CNTNAP4: variants seen among roughly 807,000 people sequenced by gnomAD.
CNTNAP4 encodes the protein contactin associated protein family member 4, also known as contactin-associated protein-like 4.
Under a neutral mutation model 148.4 loss-of-function variants are expected in CNTNAP4, and 98 were observed. The ratio of observed to expected loss-of-function variants is 0.66; its 90% CI spans 0.56 to 0.78. The LOEUF (loss-of-function observed/expected upper bound fraction) is 0.78. Among genes scored for constraint, CNTNAP4 ranks in the 30% least tolerant of loss-of-function variants. The pLI is 0.00. For missense variants in CNTNAP4, 1,935 were observed against 1,565.6 expected, an observed-to-expected ratio of 1.24 and a Z score of -3.98; for synonymous variants, 730 against 565.1, an observed-to-expected ratio of 1.29 and a Z score of -4.14.
rs1170966719 is a variant in CNTNAP4, at chr16:76,522,042, C to T, written c.2540C>T (p.Pro847Leu). The stretch of plus-strand genomic sequence containing the variant: ...TCTTTATGTGTAATATTTCCAGCTC[C>T]GACAGTAGTGACTTTTTCATTTGAT... The part of the protein sequence containing the change: ...ADFIRIELRS[P>L]TVVTFSFDVG... The change falls in exon 17 of 24, where the codon CCG (proline) becomes CTG (leucine). Residue 847 changes from proline to leucine, a missense_variant. Coordinates refer to ENST00000611870, the MANE Select transcript of CNTNAP4 (RefSeq NM_033401.5). 22 of 1,613,618 alleles carry T rather than the reference C, an allele frequency of 1.4e-5. No individual in the cohort carries two copies. The highest frequency in any genetic ancestry group is 1.8e-5 in the Non-Finnish European group (21 of 1,179,680).
chr16:76,471,449 CT>C (rs954509512), intron 10 of CNTNAP4, among the ~76,000 whole-genome samples: 3 of 152,166 alleles, frequency 2.0e-5, no homozygotes, highest in Admixed American at 2.0e-4. Flanking sequence ...CAACGTCAAC[CT>C]TGTGACCTTA....
intron 19 of CNTNAP4, among the ~76,000 whole-genome samples, chr16:76,539,150 ATAAAT>A (rs1209906459): frequency 1.3e-5 from 2 of 152,070 alleles, no homozygotes; most frequent in African/African-American, 4.8e-5. Flanking sequence ...ATCCTGTGAA[ATAAAT>A]TAACTGACAT....
At chr16:76,279,592 C>G (rs1179544584) in intron 1 of CNTNAP4, among the ~76,000 whole-genome samples, 2 of 152,118 alleles carry the variant, frequency 1.3e-5, no homozygotes, top group African/African-American at 2.4e-5. Flanking sequence ...AGGAAGTAGT[C>G]TAATGCTCTT....
chr16:76,330,162 T>G (rs8053597), intron 2 of CNTNAP4, among the ~76,000 whole-genome samples: 124 of 152,312 alleles, frequency 8.1e-4, no homozygotes, highest in African/African-American at 2.7e-3. Context: ...CTGCTTGTAA[T>G]TATTTTTCTT....
In CNTNAP4 at chr16:76,359,750, C is replaced by G. The variant is rs562720817; in HGVS notation, c.390+4239C>G. Among the ~76,000 whole-genome samples the G allele has an allele frequency of 3.9e-5, 6 of 152,280 alleles. No homozygotes were observed. The South Asian group carries it at 1.0e-3, about 26-fold the overall frequency. On this transcript the variant is annotated intron_variant, in intron 3 of 23. Transcript: ENST00000611870. The stretch of plus-strand genomic sequence containing the variant: ...ATTCAGAAAATGCAAGCTAAACTTT[C>G]TCCTCTCAGATTGAACACAAAATTC...
intron 2 of CNTNAP4, among the ~76,000 whole-genome samples, chr16:76,346,449 AAAG>A (rs1375281366): frequency 4.6e-5 from 7 of 151,872 alleles, no homozygotes; most frequent in African/African-American, 1.7e-4. Context: ...AAAAAAAAAA[AAAG>A]AAGGTAGAGA....
intron 2 of CNTNAP4, 97 bp from the exon 3 acceptor site, chr16:76,355,221 A>G (rs2012420870): frequency 6.2e-6 from 5 of 801,288 alleles, no homozygotes; most frequent in East Asian, 6.1e-5. Flanking sequence ...TTTAAGTTCC[A>G]TAGAGGAATA....
At chr16:76,392,552 C>A (rs962442802) in intron 3 of CNTNAP4, among the ~76,000 whole-genome samples, 1 of 151,980 alleles carries the variant, frequency 6.6e-6, no homozygotes, top group African/African-American at 2.4e-5. Flanking sequence ...GATTGGAACA[C>A]GTTCTTGAGG....
At chr16:76,467,797 A>G (rs939024269) in intron 10 of CNTNAP4, among the ~76,000 whole-genome samples, 1 of 152,200 alleles carries the variant, frequency 6.6e-6, no homozygotes, top group Non-Finnish European at 1.5e-5. Context: ...TGCTGCTATA[A>G]TTTTAGACAA....
chr16:76,324,948 C>G (rs1475192554), intron 2 of CNTNAP4, among the ~76,000 whole-genome samples: 1 of 152,204 alleles, frequency 6.6e-6, no homozygotes, highest in African/African-American at 2.4e-5. Flanking sequence ...TTTGTTGGGA[C>G]ACAAACATTC....
chr16:76,338,750 G>C (rs544804436), intron 2 of CNTNAP4, among the ~76,000 whole-genome samples: 9 of 152,134 alleles, frequency 5.9e-5, no homozygotes, highest in Admixed American at 1.3e-4. Context: ...GACTTTACCA[G>C]ATCTTTGTAA....
At chr16:76,383,438 C>A (rs1597380259) in intron 3 of CNTNAP4, among the ~76,000 whole-genome samples, 2 of 135,292 alleles carry the variant, frequency 1.5e-5, no homozygotes, top group African/African-American at 2.7e-5. Flanking sequence ...CAGAGGGGAA[C>A]AATGAGCAAG....
At position 76,522,099 on chromosome 16, in the gene CNTNAP4, AG is replaced by A. The variant is rs1482400623; in HGVS notation, c.2598del (p.Gln866HisfsTer14). On this transcript the variant is annotated frameshift_variant, in exon 17 of 24. Coordinates refer to ENST00000611870, the MANE Select transcript of CNTNAP4 (RefSeq NM_033401.5). LOFTEE classifies it high-confidence loss of function. ...AATGGGCCTTTTGAAATCTCAGTGC[AG>A]TCACCCACCCACTTCAACGACAACC... is the stretch of plus-strand genomic sequence containing the variant. Reference protein sequence around the residue: ...VGNGPFEISVQSPTHFNDNQW... With the variant: ...VGNGPFEISVXSPTHFNDNQW... The A allele has an allele frequency of 6.2e-7, 1 of 1,613,862 alleles. No homozygotes were observed. The highest frequency in any genetic ancestry group is 1.3e-5 in the African/African-American group (1 of 74,916).
intron 21 of CNTNAP4, among the ~76,000 whole-genome samples, chr16:76,552,131 T>G (rs2084975477): frequency 1.3e-5 from 1 of 78,414 alleles, no homozygotes; most frequent in African/African-American, 5.1e-5. Context: ...CTTCTTCACA[T>G]GGCAGCAGGA....
At chr16:76,457,403 C>T (rs1172174042) in intron 8 of CNTNAP4, among the ~76,000 whole-genome samples, 2 of 152,230 alleles carry the variant, frequency 1.3e-5, no homozygotes, top group South Asian at 2.1e-4. Flanking sequence ...AAGGTTCCCC[C>T]ACAAACATGG....
In CNTNAP4 at chr16:76,510,079, A is replaced by G. The variant is rs2082952380; in HGVS notation, c.2366-11061A>G. ...ACAGATTTGAGCAACCATCACCATA[A>G]TCATTTTGAGGACATTTTTATCACC... is the stretch of plus-strand genomic sequence containing the variant. On this transcript the variant is annotated intron_variant, in intron 15 of 23. Transcript: ENST00000611870. Among the ~76,000 whole-genome samples, 4 of 146,438 alleles carry G rather than the reference A, an allele frequency of 2.7e-5. 1 individual carries two copies. The Admixed American group carries it at 2.8e-4, about 10-fold the overall frequency.
At chr16:76,420,939 T>A (rs546635218) in intron 3 of CNTNAP4, among the ~76,000 whole-genome samples, 2 of 152,178 alleles carry the variant, frequency 1.3e-5, no homozygotes, top group South Asian at 4.1e-4. Flanking sequence ...AATAAAAATT[T>A]AGTCTTCCAC....
chr16:76,497,407 G>C (rs984614012), intron 14 of CNTNAP4, among the ~76,000 whole-genome samples: 1 of 151,844 alleles, frequency 6.6e-6, no homozygotes, highest in African/African-American at 2.4e-5. Flanking sequence ...AATAAATATA[G>C]CTAAAATGTG....
intron 9 of CNTNAP4, among the ~76,000 whole-genome samples, chr16:76,464,275 C>T (rs1426869656): frequency 2.6e-5 from 4 of 152,098 alleles, no homozygotes; most frequent in Non-Finnish European, 5.9e-5. Context: ...TCTTGTGAGG[C>T]CTTTTGGTAC....
Sources: allele counts gnomAD v4.1 joint callset (sites outside exome capture counted in the v4.1 genomes callset), GRCh38; gene constraint gnomAD v4.1.1; transcripts MANE v1.5; gene names NCBI Gene and HGNC (gene_info 2026-07-23, HGNC 2026-07-21).